Variants in ADAMTSL1 observed in about 807,000 individuals in gnomAD.
The protein encoded by ADAMTSL1 is ADAMTS like 1, also known as ADAMTS-like protein 1.
In ADAMTSL1, 126 loss-of-function variants were observed where a neutral mutation model predicts 201.8. The ratio of observed to expected loss-of-function variants is 0.62; its 90% CI spans 0.54 to 0.72. The LOEUF is 0.72. Among genes scored for constraint, ADAMTSL1 ranks in the 30% least tolerant of loss-of-function variants. The probability of loss-of-function intolerance (pLI) is 0.00; values close to 1 mark genes in which losing one functional copy is unlikely to be tolerated. For synonymous variants in ADAMTSL1, 1,121 were observed against 903.4 expected (o/e 1.24, Z -4.32); for missense variants, 2,679 against 2,277.8 (o/e 1.18, Z -3.59).
At chr9:18,322,447 A>G (rs1227351344) in intron 2 of ADAMTSL1, among the ~76,000 whole-genome samples, 2 of 152,188 alleles carry the variant, frequency 1.3e-5, no homozygotes. Context: ...AGCCTGGCCA[A>G]CATGGTGAAA....
chr9:18,550,033 G>T (rs1386833632), intron 3 of ADAMTSL1, among the ~76,000 whole-genome samples: 1 of 151,952 alleles, frequency 6.6e-6, no homozygotes, highest in Non-Finnish European at 1.5e-5. Flanking sequence ...TTACCCCACA[G>T]ATGACAGCTG....
At chr9:18,886,342 C>T (rs904800108) in intron 23 of ADAMTSL1, among the ~76,000 whole-genome samples, 2 of 151,512 alleles carry the variant, frequency 1.3e-5, no homozygotes, top group African/African-American at 2.4e-5. Context: ...GCTACGATTG[C>T]ACCACTGCAC....
intron 1 of ADAMTSL1, among the ~76,000 whole-genome samples, chr9:18,063,053 G>A (rs1350498570): frequency 6.6e-6 from 1 of 152,182 alleles, no homozygotes; most frequent in African/African-American, 2.4e-5. Context: ...TTGTTGCCGG[G>A]TGTGGTAGCT....
chr9:18,850,211 C>T (rs1432924803), intron 23 of ADAMTSL1, among the ~76,000 whole-genome samples: 2 of 152,194 alleles, frequency 1.3e-5, no homozygotes, highest in Non-Finnish European at 2.9e-5. Flanking sequence ...GGCAGCAGGA[C>T]ACAATTCCCA....
chr9:18,672,506 G>T (rs1014186010), intron 9 of ADAMTSL1, among the ~76,000 whole-genome samples: 1 of 152,198 alleles, frequency 6.6e-6, no homozygotes, highest in Non-Finnish European at 1.5e-5. Context: ...ATATGTGTGT[G>T]CATATATATG....
At chr9:18,387,261 A>C (rs1049441041) in intron 2 of ADAMTSL1, among the ~76,000 whole-genome samples, 1 of 152,162 alleles carries the variant, frequency 6.6e-6, no homozygotes, top group Non-Finnish European at 1.5e-5. Context: ...GTAAATAAAT[A>C]GTCATACACA....
At chr9:18,038,791 G>A (rs1470973040) in intron 1 of ADAMTSL1, among the ~76,000 whole-genome samples, 5 of 152,282 alleles carry the variant, frequency 3.3e-5, no homozygotes, top group African/African-American at 9.6e-5. Context: ...AGAAAGTAAA[G>A]AAGATGTGCT....
chr9:18,051,497 C>T lies in ADAMTSL1; in HGVS notation c.88-112365C>T, dbSNP rs374997537. Among the ~76,000 whole-genome samples, 239 of 151,390 alleles carry T rather than the reference C, an allele frequency of 1.6e-3. 6 individuals carry two copies. In the South Asian group the frequency reaches 0.049, roughly 31 times the overall value. On this transcript the variant is annotated intron_variant, in intron 1 of 29. Coordinates refer to the ADAMTSL1 transcript ENST00000680146. Reference sequence around the variant, plus strand: ...ATGGTATCAGCCCCTAAAGTTGGGTCCTCCTCAGAGAAGGAGAAAAAAGGA... The same window carrying T: ...ATGGTATCAGCCCCTAAAGTTGGGTTCTCCTCAGAGAAGGAGAAAAAAGGA...
intron 2 of ADAMTSL1, among the ~76,000 whole-genome samples, chr9:18,305,453 C>T (rs1243390590): frequency 2.6e-5 from 4 of 152,216 alleles, no homozygotes; most frequent in Non-Finnish European, 5.9e-5. Context: ...CTAAGATCCA[C>T]TGGCTTGAAA....
chr9:18,533,285 G>T lies in ADAMTSL1; in HGVS notation c.230G>T (p.Ser77Ile). ...EGRNIRYRTC[S>I]NVDCPPEAGD... Reference sequence around the variant, plus strand: ...AGAAATATCCGATACAGAACATGCAGTAATGTGGTAAGTATAAGGTTCTGA... The same window carrying T: ...AGAAATATCCGATACAGAACATGCATTAATGTGGTAAGTATAAGGTTCTGA... Residue 77 changes from serine (S) to isoleucine (I), a missense_variant, in exon 3 of 29, where the codon AGT becomes ATT. By Grantham distance (142) the Ser-to-Ile change is moderately radical (BLOSUM62 -2). Coordinates refer to ENST00000380548, the MANE Select transcript of ADAMTSL1 (RefSeq NM_001040272.6). 1 of 1,608,942 alleles carries T rather than the reference G, an allele frequency of 6.2e-7. No individual in the cohort carries two copies. The highest frequency in any genetic ancestry group is 8.5e-7 in the Non-Finnish European group (1 of 1,177,530).
chr9:18,518,583 T>G (rs553076047), intron 2 of ADAMTSL1, among the ~76,000 whole-genome samples: 1 of 152,286 alleles, frequency 6.6e-6, no homozygotes, highest in Admixed American at 6.5e-5. Flanking sequence ...ATGACTTTGC[T>G]ATTGTGAATA....
intron 4 of ADAMTSL1, among the ~76,000 whole-genome samples, chr9:18,594,555 T>TGG (rs1824137034): frequency 1.3e-5 from 2 of 152,354 alleles, no homozygotes; most frequent in Non-Finnish European, 2.9e-5. Context: ...GAGTCTGTCT[T>TGG]CAAGTGCACT....
At chr9:18,597,476 C>A (rs929842033) in intron 4 of ADAMTSL1, among the ~76,000 whole-genome samples, 2 of 152,144 alleles carry the variant, frequency 1.3e-5, no homozygotes. Context: ...ACTTGAAGTA[C>A]AAGGTTTAAA....
intron 2 of ADAMTSL1, among the ~76,000 whole-genome samples, chr9:18,319,753 G>A (rs1026718848): frequency 6.6e-6 from 1 of 152,160 alleles, no homozygotes; most frequent in Non-Finnish European, 1.5e-5. Context: ...GTCTATGGTT[G>A]GCAGAATAAT....
chr9:18,611,630 C>G (rs953944796), intron 4 of ADAMTSL1, among the ~76,000 whole-genome samples: 2 of 152,134 alleles, frequency 1.3e-5, no homozygotes, highest in Non-Finnish European at 2.9e-5. Context: ...AGAAATCAGA[C>G]TTACTTATTC....
chr9:18,076,310 C>G (rs1356584470), intron 1 of ADAMTSL1, among the ~76,000 whole-genome samples: 1 of 152,216 alleles, frequency 6.6e-6, no homozygotes, highest in South Asian at 2.1e-4. Context: ...GCACATCTTA[C>G]TGAGTTCCTT....
intron 2 of ADAMTSL1, among the ~76,000 whole-genome samples, chr9:18,528,833 A>ATCC (rs1326740041): frequency 1.3e-5 from 2 of 152,114 alleles, no homozygotes; most frequent in African/African-American, 2.4e-5. Flanking sequence ...ATTTATTTAA[A>ATCC]TCCTCTCTTA....
chr9:18,708,772 T>G (rs1832380335), intron 14 of ADAMTSL1, among the ~76,000 whole-genome samples: 1 of 152,236 alleles, frequency 6.6e-6, no homozygotes, highest in Admixed American at 6.5e-5. Flanking sequence ...AGTTCTCAGT[T>G]ACAAGTCAAG....
intron 2 of ADAMTSL1, among the ~76,000 whole-genome samples, chr9:18,462,719 A>G (rs1458607034): frequency 6.6e-6 from 1 of 152,052 alleles, no homozygotes; most frequent in East Asian, 1.9e-4. Context: ...TGGGTGGATT[A>G]CCTGAGGTCA....
Sources: gnomAD v4.1 joint callset for allele counts (sites outside exome capture counted in the v4.1 genomes callset) on GRCh38, gnomAD v4.1.1 for gene constraint, MANE v1.5 for transcripts, NCBI Gene and HGNC (gene_info 2026-07-23, HGNC 2026-07-21) for gene names.